MRPS22: variants seen among roughly 807,000 people sequenced by gnomAD.
The protein encoded by MRPS22 is mitochondrial ribosomal protein S22.
In MRPS22, 30 loss-of-function variants were observed where a neutral mutation model predicts 44.0. The ratio of observed to expected loss-of-function variants is 0.68; its 90% confidence interval spans 0.51 to 0.93. MRPS22 has a LOEUF of 0.93. Among genes scored for constraint, MRPS22 ranks in the 40% least tolerant of loss-of-function variants. The pLI is 0.00. For missense variants in MRPS22, 447 were observed against 447.8 expected (o/e 1.00, Z 0.02); for synonymous variants, 165 against 154.4 (o/e 1.07, Z -0.51).
chr3:139,344,101 CCG>C lies in MRPS22; in HGVS notation c.76_77del (p.Arg26GlyfsTer36), dbSNP rs752055065. 1 of 1,614,188 alleles carries C rather than the reference CCG, an allele frequency of 6.2e-7. No individual in the cohort carries two copies. The highest frequency in any genetic ancestry group is 8.5e-7 in the Non-Finnish European group (1 of 1,180,036). ...SSPGVERVCFRARIQPWHGGL... is the reference protein window; with the variant it reads ...SSPGVERVCFXARIQPWHGGL... ...CTCCGGGCGTGGAACGGGTCTGTTTCCGGGCTCGAATCCAGCCCTGGCACGGT... is the reference window on the plus strand; with the variant it reads ...CTCCGGGCGTGGAACGGGTCTGTTTCGGCTCGAATCCAGCCCTGGCACGGT... On this transcript the variant is annotated frameshift_variant, in exon 1 of 8. Transcript: ENST00000680020. LOFTEE classifies it high-confidence loss of function.
Position 139,347,131 on chromosome 3 carries a change from A to G in MRPS22, c.339+87A>G, listed in dbSNP as rs1216122833. ...GAGGCCCCTCCAGATGCTTATAGCTATTCTTCCATAGGCACTAGTGAAAGG... is the reference window on the plus strand; with the variant it reads ...GAGGCCCCTCCAGATGCTTATAGCTGTTCTTCCATAGGCACTAGTGAAAGG... On this transcript the variant is annotated intron_variant, in intron 2 of 7. Transcript: ENST00000680020. 6.3e-6 allele frequency: 9 copies of G among 1,421,150 alleles called. No homozygotes were observed. The East Asian group carries it at 1.1e-4, about 18-fold the overall frequency. The allele number at this position is 1,421,150 out of a possible 1,614,324, so 88.0% of individuals were successfully genotyped here.
Position 139,348,193 on chromosome 3 carries a change from C to T in MRPS22, c.373C>T (p.Arg125Ter), listed in dbSNP as rs780703525. The T allele has an allele frequency of 8.7e-6, 14 of 1,613,946 alleles. No homozygotes were observed. Among genetic ancestry groups the T allele is most frequent in the East Asian group, 2.2e-5 (1 of 44,876 alleles). ...ACAGGCAGTTGAGGCAGCTAAAGTA[C>T]GATTAAAAATGCCACCAGTTCTGGA... ...TRQAVEAAKV[R>*]LKMPPVLEER... The change falls in exon 3 of 8, where the codon CGA (arginine) becomes TGA (stop). Residue 125 changes from arginine to a stop codon, truncating the protein, a stop_gained. Transcript: ENST00000680020. LOFTEE classifies it high-confidence loss of function.
At chr3:139,356,688 A>T (rs1472172146) in intron 7 of MRPS22, among the ~76,000 whole-genome samples, 1 of 152,186 alleles carries the variant, frequency 6.6e-6, no homozygotes, top group Non-Finnish European at 1.5e-5. Context: ...TCTTAATTGG[A>T]TACTTCTGGT....
At position 139,346,986 on chromosome 3, in the gene MRPS22, C is replaced by G. The variant is rs762827746; in HGVS notation, c.281C>G (p.Ala94Gly). Residue 94 changes from alanine to glycine, a missense_variant, in exon 2 of 8, where the codon GCT (alanine) becomes GGT (glycine). By Grantham distance (60) the Ala-to-Gly change is moderately conservative. Coordinates refer to ENST00000680020, the MANE Select transcript of MRPS22 (RefSeq NM_020191.4). The part of the protein sequence containing the change: ...GLNLQKTFKP[A>G]IQELKPPTYK... ...AACTTGCAGAAGACTTTTAAGCCAG[C>G]TATACAAGAACTGAAGCCACCAACC... 6.2e-6 allele frequency: 10 copies of G among 1,614,074 alleles called. No individual in the cohort carries two copies. The South Asian group carries it at 6.6e-5, about 11-fold the overall frequency.
rs114416136 is a variant in MRPS22, at chr3:139,352,824, T to G, written c.878+32T>G. The G allele has an allele frequency of 2.2e-4, 347 of 1,603,396 alleles. 2 individuals are homozygous for G. In the African/African-American group the frequency reaches 3.8e-3, roughly 18 times the overall value. Reference sequence around the variant, plus strand: ...ATGATCTTAGTAAGTGAAAGAATCATTCTTATTGCTCTAACAGTTCATCTG... The same window carrying G: ...ATGATCTTAGTAAGTGAAAGAATCAGTCTTATTGCTCTAACAGTTCATCTG... On this transcript the variant is annotated intron_variant, in intron 6 of 7. Coordinates refer to ENST00000680020, the MANE Select transcript of MRPS22 (RefSeq NM_020191.4).
chr3:139,352,806 T>C lies in MRPS22; in HGVS notation c.878+14T>C. 1 of 1,611,406 alleles carries C rather than the reference T, an allele frequency of 6.2e-7. No individual in the cohort carries two copies. Among genetic ancestry groups the C allele is most frequent in the East Asian group, 2.2e-5 (1 of 44,820 alleles). ...TCAGAGAGATTTGTAAGTATGATCTTAGTAAGTGAAAGAATCATTCTTATT... is the reference window on the plus strand; with the variant it reads ...TCAGAGAGATTTGTAAGTATGATCTCAGTAAGTGAAAGAATCATTCTTATT... On this transcript the variant is annotated intron_variant, in intron 6 of 7. Transcript: ENST00000680020.
At chr3:139,352,275 CTCTTT>C (rs1055996733) in intron 5 of MRPS22, 9 of 212,568 alleles carry the variant, frequency 4.2e-5, no homozygotes, top group East Asian at 2.3e-4. Flanking sequence ...ACAAATTCTT[CTCTTT>C]TAATTTTTTT....
chr3:139,355,634 A>C (rs1941233563), intron 6 of MRPS22, 48 bp from the exon 7 acceptor site: 23 of 1,449,022 alleles, frequency 1.6e-5, no homozygotes, highest in Non-Finnish European at 2.2e-5. Context: ...AGGACTGTGA[A>C]TCAAATGAAG....
intron 4 of MRPS22, chr3:139,350,671 AC>A (rs5852942): frequency 0.21 from 75,063 of 351,948 alleles, 6,147 homozygotes; most frequent in African/African-American, 0.39. Flanking sequence ...CGGGATTCGC[AC>A]CCCCCCCCCG....
At chr3:139,344,018 C>T (rs980701324), upstream of MRPS22, 1 of 1,614,180 alleles carries the variant, frequency 6.2e-7, no homozygotes, top group African/African-American at 1.3e-5. Context: ...CAAGTGGCTT[C>T]TGATAATCAT....
chr3:139,355,716 C>T lies in MRPS22; in HGVS notation c.913C>T (p.His305Tyr). Residue 305 changes from histidine to tyrosine, a missense_variant, in exon 7 of 8, where the codon CAC (histidine) becomes TAC (tyrosine). By Grantham distance (83) the His-to-Tyr change is moderately conservative. Coordinates refer to ENST00000680020, the MANE Select transcript of MRPS22 (RefSeq NM_020191.4). ...DDATNLVQLY[H>Y]VLHPDGQSAQ... ...TGCAACCAACTTGGTCCAGCTGTAT[C>T]ACGTGCTCCATCCAGATGGCCAGTC... The T allele has an allele frequency of 6.2e-7, 1 of 1,614,148 alleles. No homozygotes were observed. Among genetic ancestry groups the T allele is most frequent in the Non-Finnish European group, 8.5e-7 (1 of 1,180,000 alleles).
In MRPS22 at chr3:139,351,056, T is replaced by C; in HGVS notation, c.728T>C (p.Ile243Thr). Residue 243 changes from isoleucine to threonine, a missense_variant, in exon 5 of 8, where the codon ATC (isoleucine) becomes ACC (threonine). Coordinates refer to ENST00000680020, the MANE Select transcript of MRPS22 (RefSeq NM_020191.4). ...AQFEPDSTEY[I>T]KVHHKTYEDI... is the part of the protein sequence containing the mutation. Reference sequence around the variant, plus strand: ...TTTGAGCCAGATTCCACAGAGTATATCAAGGTGAGTAGATTTTAGTTTCTA... The same window carrying C: ...TTTGAGCCAGATTCCACAGAGTATACCAAGGTGAGTAGATTTTAGTTTCTA... 1 of 1,612,632 alleles carries C rather than the reference T, an allele frequency of 6.2e-7. No homozygotes were observed. The highest frequency in any genetic ancestry group is 8.5e-7 in the Non-Finnish European group (1 of 1,178,622).
rs773327850 is a variant in MRPS22 at position 139,355,779 on chromosome 3, A to C, written c.976A>C (p.Asn326His). The C allele has an allele frequency of 5.0e-6, 8 of 1,613,710 alleles. No homozygotes were observed. The highest frequency in any genetic ancestry group is 2.2e-5 in the East Asian group (1 of 44,892). The change falls in exon 7 of 8, where the codon AAT (asparagine) becomes CAT (histidine). Residue 326 changes from asparagine to histidine, a missense_variant. Physicochemically the swap from Asn to His is moderately conservative, Grantham distance 68 (BLOSUM62 1). Transcript: ENST00000680020. ...CAAGGATCAGGCTGCTGAGGGAATA[A>C]ATTTAATCAAGGTAAAGTTTTTTTT... Reference protein sequence around the residue: ...GAKDQAAEGINLIKVFAKTEA... With the variant: ...GAKDQAAEGIHLIKVFAKTEA...
At chr3:139,349,142 T>G in intron 3 of MRPS22, 1 of 337,400 alleles carries the variant, frequency 3.0e-6, no homozygotes, top group Non-Finnish European at 5.8e-6. Flanking sequence ...AGTTTCAATT[T>G]TAATTACAGT....
intron 6 of MRPS22, among the ~76,000 whole-genome samples, chr3:139,353,183 ACAC>A (rs1941183936): frequency 6.6e-6 from 1 of 152,194 alleles, no homozygotes; most frequent in South Asian, 2.1e-4. Flanking sequence ...TTTTCAGTAA[ACAC>A]CATCCTTTAA....
intron 3 of MRPS22, 137 bp downstream of exon 3, chr3:139,348,461 AT>A: frequency 1.2e-6 from 1 of 818,282 alleles, no homozygotes; most frequent in Non-Finnish European, 2.1e-6. Flanking sequence ...CTTCTGGAAG[AT>A]ATACTATATG....
At chr3:139,351,203 G>A (rs2107789537) in intron 5 of MRPS22, 143 bp downstream of exon 5, 2 of 674,754 alleles carry the variant, frequency 3.0e-6, no homozygotes, top group African/African-American at 1.8e-5. Context: ...GTACAGTTGT[G>A]TGCCAGATAT....
In MRPS22 at chr3:139,355,749, G is replaced by A; in HGVS notation, c.946G>A (p.Gly316Arg). The change falls in exon 7 of 8, where the codon GGG (glycine) becomes AGG (arginine). Residue 316 changes from glycine to arginine, a missense_variant. Coordinates refer to ENST00000680020, the MANE Select transcript of MRPS22 (RefSeq NM_020191.4). ...VLHPDGQSAQ[G>R]AKDQAAEGIN... ...CCATCCAGATGGCCAGTCGGCTCAA[G>A]GGGCCAAGGATCAGGCTGCTGAGGG... 6.2e-7 allele frequency: 1 copy of A among 1,614,102 alleles called. No homozygotes were observed. The highest frequency in any genetic ancestry group is 8.5e-7 in the Non-Finnish European group (1 of 1,179,950).
intron 1 of MRPS22, 45 bp from the exon 2 acceptor site, chr3:139,346,833 G>C: frequency 1.9e-6 from 3 of 1,607,120 alleles, no homozygotes; most frequent in Non-Finnish European, 8.5e-7. Context: ...GGTCTTGTTA[G>C]CTTGTCATTT....
Sources: allele counts gnomAD v4.1 joint callset (sites outside exome capture counted in the v4.1 genomes callset), GRCh38; gene constraint gnomAD v4.1.1; transcripts MANE v1.5; gene names NCBI Gene and HGNC (gene_info 2026-07-23, HGNC 2026-07-21).